Variants in KCNS2 observed in about 807,000 individuals in gnomAD.
KCNS2 encodes the protein potassium voltage-gated channel modifier subfamily S member 2.
Under a neutral mutation model 28.3 loss-of-function variants are expected in KCNS2, and 15 were observed. That is an observed-to-expected ratio of 0.53 (90% CI 0.35 to 0.82). The LOEUF (loss-of-function observed/expected upper bound fraction) is 0.82. Among genes scored for constraint, KCNS2 ranks in the 40% least tolerant of loss-of-function variants. The pLI, the probability that KCNS2 is intolerant of heterozygous loss-of-function variation, is 0.01. For synonymous variants in KCNS2, 254 were observed against 256.7 expected, an observed-to-expected ratio of 0.99 and a Z score of 0.10; for missense variants, 501 against 617.1, an observed-to-expected ratio of 0.81 and a Z score of 1.99.
intron 1 of KCNS2, chr8:98,427,671 GC>G: frequency 7.9e-6 from 2 of 253,020 alleles, no homozygotes; most frequent in Non-Finnish European, 1.5e-5. Context: ...TCAGCATGCA[GC>G]CCCCTGGGCG....
In KCNS2 at chr8:98,428,516, C is replaced by T; in HGVS notation, c.537C>T (p.Asn179=). The T allele has an allele frequency of 6.2e-7, 1 of 1,614,144 alleles. No individual in the cohort carries two copies. Among genetic ancestry groups the T allele is most frequent in the Non-Finnish European group, 8.5e-7 (1 of 1,180,040 alleles). The part of the protein sequence containing the change: ...FRRQLWLALD[N]PGYSVLSRVF... Reference sequence around the variant, plus strand: ...GGCAGCTGTGGCTGGCGCTGGACAACCCCGGCTACTCAGTGCTGAGCAGGG... The same window carrying T: ...GGCAGCTGTGGCTGGCGCTGGACAATCCCGGCTACTCAGTGCTGAGCAGGG... The change falls in exon 2 of 2, where the codon AAC becomes AAT. Residue 179 remains asparagine, a synonymous_variant. Transcript: ENST00000287042. This position sits in a 1 kb window ranked among gnomAD's most constrained non-coding sequence, Gnocchi z 6.7.
intron 1 of KCNS2, 174 bp from the exon 2 acceptor site, chr8:98,427,764 A>G: frequency 1.9e-6 from 1 of 524,274 alleles, no homozygotes; most frequent in East Asian, 3.1e-5. Flanking sequence ...ATAGAAACAT[A>G]CCCACCCCCA....
In KCNS2 at chr8:98,429,216, T is replaced by C; in HGVS notation, c.1237T>C (p.Phe413Leu). The C allele has an allele frequency of 6.2e-7, 1 of 1,614,084 alleles. No individual in the cohort carries two copies. The highest frequency in any genetic ancestry group is 8.5e-7 in the Non-Finnish European group (1 of 1,180,034). Residue 413 changes from phenylalanine (F) to leucine (L), a missense_variant, in exon 2 of 2, where the codon TTC (phenylalanine) becomes CTC (leucine). By Grantham distance (22) the Phe-to-Leu change is conservative. Transcript: ENST00000287042. ...GCCCATCACCTTGATCTTCAATAAG[T>C]TCTCCCACTTTTACCGGCGCCAAAA... ...VLPITLIFNK[F>L]SHFYRRQKQL...
Position 98,430,963 on chromosome 8 carries a change from T to C in KCNS2, c.*1550T>C, listed in dbSNP as rs1178838574. ...TTGTGATGGGGAACCTGGGTTCCTC[T>C]ATAAGATAATTCTTCTCCATCATCT... is the stretch of plus-strand genomic sequence containing the variant. On this transcript the variant is annotated 3_prime_UTR_variant, in exon 2 of 2. Coordinates refer to ENST00000287042, the MANE Select transcript of KCNS2 (RefSeq NM_020697.4). The C allele has an allele frequency of 6.0e-6, 1 of 167,150 alleles. No homozygotes were observed. The highest frequency in any genetic ancestry group is 6.5e-5 in the Admixed American group (1 of 15,294). The allele number at this position is 167,150 out of a possible 1,614,324, so 10.4% of individuals were successfully genotyped here.
At position 98,429,874 on chromosome 8, in the gene KCNS2, ACAGT is replaced by A. The variant is rs1355506680; in HGVS notation, c.*464_*467del. On this transcript the variant is annotated 3_prime_UTR_variant, in exon 2 of 2. Transcript: ENST00000287042. ...GCAAGGATATGATGAGATTTTGCTC[ACAGT>A]CATGTGAAAACAAAATCTCAGCTCT... 1 of 169,700 alleles carries A rather than the reference ACAGT, an allele frequency of 5.9e-6. No individual in the cohort carries two copies. Among genetic ancestry groups the A allele is most frequent in the Non-Finnish European group, 1.4e-5 (1 of 70,028 alleles). The allele number at this position is 169,700 out of a possible 1,614,324, so 10.5% of individuals were successfully genotyped here.
rs1394062362 is a variant in KCNS2, at chr8:98,429,638, T to G, written c.*225T>G. ...CACCTTTCCATGAAATGACACTCAC[T>G]GGTCTTTGCATCGTGGGCATAAAAT... On this transcript the variant is annotated 3_prime_UTR_variant, in exon 2 of 2. Coordinates refer to ENST00000287042, the MANE Select transcript of KCNS2 (RefSeq NM_020697.4). 2 of 523,290 alleles carry G rather than the reference T, an allele frequency of 3.8e-6. No individual in the cohort carries two copies. The highest frequency in any genetic ancestry group is 6.9e-6 in the Non-Finnish European group (2 of 290,470). The allele number at this position is 523,290 out of a possible 1,614,324, so 32.4% of individuals were successfully genotyped here. A position where few individuals can be genotyped will look rare whatever the true frequency, so the allele number is the denominator to read the frequency against.
In KCNS2 at chr8:98,428,275, TCTC is replaced by T. The variant is rs1296291529; in HGVS notation, c.299_301del (p.Ser100del). The T allele has an allele frequency of 1.9e-6, 3 of 1,613,992 alleles. No individual in the cohort carries two copies. Among genetic ancestry groups the T allele is most frequent in the Non-Finnish European group, 1.7e-6 (2 of 1,180,026 alleles). ...CACGTCATGGCTGAGCTATGTGTCT[TCTC>T]CTTCAGCCAGGAGATCGAGTACTGG... On this transcript the variant is annotated inframe_deletion, in exon 2 of 2. Transcript: ENST00000287042. The surrounding 1 kb of genome is among the most constrained non-coding windows in gnomAD (Gnocchi z 6.7).
rs1056632262 is a variant in KCNS2 at position 98,431,932 on chromosome 8, G to A, written c.*2519G>A. ...AGCATGAGAATGTCCCAATAGCATTGAGTTTTTCAAGTGGTGGTTTCAGAT... is the reference window on the plus strand; with the variant it reads ...AGCATGAGAATGTCCCAATAGCATTAAGTTTTTCAAGTGGTGGTTTCAGAT... On this transcript the variant is annotated 3_prime_UTR_variant, in exon 2 of 2. Coordinates refer to ENST00000287042, the MANE Select transcript of KCNS2 (RefSeq NM_020697.4). 3.6e-5 allele frequency: 6 copies of A among 167,052 alleles called. No homozygotes were observed. Among genetic ancestry groups the A allele is most frequent in the African/African-American group, 1.2e-4 (5 of 41,438 alleles). 10.3% of individuals were successfully genotyped at this position (167,052 alleles called of 1,614,324 possible).
In KCNS2 at chr8:98,428,881, G is replaced by A. The variant is rs745687970; in HGVS notation, c.902G>A (p.Arg301Gln). The A allele has an allele frequency of 4.3e-6, 7 of 1,614,020 alleles. No individual in the cohort carries two copies. The highest frequency in any genetic ancestry group is 2.2e-5 in the East Asian group (1 of 44,884). The part of the protein sequence containing the change: ...GRVAQVLRLM[R>Q]IFRILKLARH... ...GTGGCCCAGGTCCTGAGGCTGATGC[G>A]GATCTTCCGCATCTTAAAGCTGGCC... Residue 301 changes from arginine (R) to glutamine (Q), a missense_variant, in exon 2 of 2, where the codon CGG becomes CAG. Transcript: ENST00000287042. This position sits in a 1 kb window ranked among gnomAD's most constrained non-coding sequence, Gnocchi z 6.7.
chr8:98,429,646 G>C lies in KCNS2; in HGVS notation c.*233G>C. ...CATGAAATGACACTCACTGGTCTTT[G>C]CATCGTGGGCATAAAATGTTCACCT... On this transcript the variant is annotated 3_prime_UTR_variant, in exon 2 of 2. Coordinates refer to ENST00000287042, the MANE Select transcript of KCNS2 (RefSeq NM_020697.4). The C allele has an allele frequency of 2.0e-6, 1 of 504,924 alleles. No homozygotes were observed. Among genetic ancestry groups the C allele is most frequent in the Non-Finnish European group, 3.6e-6 (1 of 279,754 alleles). 31.3% of individuals were successfully genotyped at this position (504,924 alleles called of 1,614,324 possible). A position where few individuals can be genotyped will look rare whatever the true frequency, so the allele number is the denominator to read the frequency against.
Position 98,429,480 on chromosome 8 carries a change from G to C in KCNS2, c.*67G>C. 3 of 1,143,946 alleles carry C rather than the reference G, an allele frequency of 2.6e-6. No individual in the cohort carries two copies. The highest frequency in any genetic ancestry group is 3.9e-6 in the Non-Finnish European group (3 of 779,166). 70.9% of individuals were successfully genotyped at this position (1,143,946 alleles called of 1,614,324 possible). A position where few individuals can be genotyped will look rare whatever the true frequency, so the allele number is the denominator to read the frequency against. On this transcript the variant is annotated 3_prime_UTR_variant, in exon 2 of 2. Transcript: ENST00000287042. ...CCTCTTGTGCCTCTGGCACAGCCCA[G>C]GCACCTTATGGTTATGGTGTAAGGA...
rs1818316251 is a variant in KCNS2 at position 98,430,872 on chromosome 8, G to A, written c.*1459G>A. ...TTCAAGCTTCCAAACTTGTATTGAA[G>A]GGAGACGACTGTTTCCTCCTCCAAA... is the stretch of plus-strand genomic sequence containing the variant. On this transcript the variant is annotated 3_prime_UTR_variant, in exon 2 of 2. Coordinates refer to ENST00000287042, the MANE Select transcript of KCNS2 (RefSeq NM_020697.4). 1 of 167,084 alleles carries A rather than the reference G, an allele frequency of 6.0e-6. No homozygotes were observed. The highest frequency in any genetic ancestry group is 2.1e-4 in the South Asian group (1 of 4,818). 10.4% of individuals were successfully genotyped at this position (167,084 alleles called of 1,614,324 possible). A position where few individuals can be genotyped will look rare whatever the true frequency, so the allele number is the denominator to read the frequency against.
At position 98,429,586 on chromosome 8, in the gene KCNS2, G is replaced by T; in HGVS notation, c.*173G>T. 1.7e-6 allele frequency: 1 copy of T among 589,682 alleles called. No individual in the cohort carries two copies. The allele number at this position is 589,682 out of a possible 1,614,324, so 36.5% of individuals were successfully genotyped here. On this transcript the variant is annotated 3_prime_UTR_variant, in exon 2 of 2. Coordinates refer to ENST00000287042, the MANE Select transcript of KCNS2 (RefSeq NM_020697.4). ...ACAGTTTTTAGAATCGTTTTTAGAGGGTGGTGTGTCTGACACCATGCCTTT... is the reference window on the plus strand; with the variant it reads ...ACAGTTTTTAGAATCGTTTTTAGAGTGTGGTGTGTCTGACACCATGCCTTT...
At position 98,429,162 on chromosome 8, in the gene KCNS2, A is replaced by G; in HGVS notation, c.1183A>G (p.Ile395Val). The change falls in exon 2 of 2, where the codon ATC (isoleucine) becomes GTC (valine). Residue 395 changes from isoleucine (I) to valine (V), a missense_variant. Transcript: ENST00000287042. ...TAGKLTASAC[I>V]LAGILVVVLP... ...AGGAAAGCTGACTGCCTCTGCCTGC[A>G]TCTTGGCAGGCATCCTCGTGGTGGT... The G allele has an allele frequency of 1.9e-6, 3 of 1,613,608 alleles. No homozygotes were observed. Among genetic ancestry groups the G allele is most frequent in the Non-Finnish European group, 2.5e-6 (3 of 1,179,634 alleles).
At chr8:98,427,872 G>C in intron 1 of KCNS2, 66 bp from the exon 2 acceptor site, 1 of 894,782 alleles carries the variant, frequency 1.1e-6, no homozygotes, top group Non-Finnish European at 1.7e-6. Context: ...GCCAGTAATG[G>C]GTAGGGAGAG....
chr8:98,426,992 C>G lies in KCNS2; in HGVS notation c.-380C>G, dbSNP rs1408847134. ...CGCGCCCCGCGCAGGGCGGGCGCCC[C>G]GTCACACCCGCTCTGCTCCCGCCCC... On this transcript the variant is annotated 5_prime_UTR_variant, in exon 1 of 2. Coordinates refer to ENST00000287042, the MANE Select transcript of KCNS2 (RefSeq NM_020697.4). The G allele has an allele frequency of 8.7e-5, 13 of 150,260 alleles. No homozygotes were observed. Among genetic ancestry groups the G allele is most frequent in the East Asian group, 4.0e-4 (2 of 5,060 alleles). The allele number at this position is 150,260 out of a possible 1,614,324, so 9.3% of individuals were successfully genotyped here.
At position 98,428,193 on chromosome 8, in the gene KCNS2, G is replaced by T. The variant is rs1255341726; in HGVS notation, c.214G>T (p.Asp72Tyr). 6.2e-7 allele frequency: 1 copy of T among 1,613,986 alleles called. No individual in the cohort carries two copies. Residue 72 changes from aspartate to tyrosine, a missense_variant, in exon 2 of 2, where the codon GAC (aspartate) becomes TAC (tyrosine). Coordinates refer to ENST00000287042, the MANE Select transcript of KCNS2 (RefSeq NM_020697.4). This position sits in a 1 kb window ranked among gnomAD's most constrained non-coding sequence, Gnocchi z 6.7. Reference protein sequence around the residue: ...YDDVQREFYFDRNPELFPYVL... With the variant: ...YDDVQREFYFYRNPELFPYVL... Reference sequence around the variant, plus strand: ...CGACGTCCAGCGGGAGTTCTACTTCGACCGCAACCCTGAGCTCTTCCCCTA... The same window carrying T: ...CGACGTCCAGCGGGAGTTCTACTTCTACCGCAACCCTGAGCTCTTCCCCTA...
rs1300018672 is a variant in KCNS2, at chr8:98,429,556, C to T, written c.*143C>T. ...ATGCATGGGATATGCACCCAGGTTT[C>T]TTTTACAGTTTTTAGAATCGTTTTT... On this transcript the variant is annotated 3_prime_UTR_variant, in exon 2 of 2. Transcript: ENST00000287042. 6.4e-6 allele frequency: 4 copies of T among 620,554 alleles called. No homozygotes were observed. Among genetic ancestry groups the T allele is most frequent in the Non-Finnish European group, 1.1e-5 (4 of 353,344 alleles). The allele number at this position is 620,554 out of a possible 1,614,324, so 38.4% of individuals were successfully genotyped here.
chr8:98,428,968 G>C lies in KCNS2; in HGVS notation c.989G>C (p.Gly330Ala), dbSNP rs1818288911. 1.2e-6 allele frequency: 2 copies of C among 1,613,974 alleles called. No homozygotes were observed. Among genetic ancestry groups the C allele is most frequent in the Non-Finnish European group, 8.5e-7 (1 of 1,180,024 alleles). ...ATLKYSYKEV[G>A]LLLLYLSVGI... is the part of the protein sequence containing the mutation. ...TTGAAATACAGCTACAAAGAAGTAG[G>C]GCTGCTCTTGCTCTACCTCTCCGTG... The change falls in exon 2 of 2, where the codon GGG becomes GCG. Residue 330 changes from glycine (G) to alanine (A), a missense_variant. Transcript: ENST00000287042. The surrounding 1 kb of genome is among the most constrained non-coding windows in gnomAD (Gnocchi z 6.7).
Sources: allele counts gnomAD v4.1 joint callset, GRCh38; gene constraint gnomAD v4.1.1; non-coding constraint Gnocchi (gnomAD v3.1); transcripts MANE v1.5; gene names NCBI Gene and HGNC (gene_info 2026-07-23, HGNC 2026-07-21).